The following MIR2052HG variants were observed in gnomAD, a reference collection of about 807,000 sequenced individuals.
The protein encoded by MIR2052HG is MIR2052 host gene.
chr8:74,629,106 A>C (rs2128733855), intron 2 of MIR2052HG, among the ~76,000 whole-genome samples: 1 of 152,274 alleles, frequency 6.6e-6, no homozygotes, highest in East Asian at 1.9e-4. Context: ...TTGCTCATGA[A>C]ACTAATTTAC....
At chr8:74,613,619 G>A (rs1271418555) in intron 2 of MIR2052HG, among the ~76,000 whole-genome samples, 3 of 152,152 alleles carry the variant, frequency 2.0e-5, no homozygotes, top group Non-Finnish European at 4.4e-5. Context: ...CCAAGTAGCT[G>A]GGATTACAGG....
intron 4 of MIR2052HG, among the ~76,000 whole-genome samples, chr8:74,727,898 G>A (rs77730942): frequency 0.016 from 2,430 of 150,740 alleles, 25 homozygotes; most frequent in Non-Finnish European, 0.024. Context: ...AGCTTATGGC[G>A]TCTTGCCTTT....
chr8:74,724,098 A>G (rs1396117305), intron 4 of MIR2052HG, among the ~76,000 whole-genome samples: 1 of 152,164 alleles, frequency 6.6e-6, no homozygotes, highest in Middle Eastern at 3.2e-3. Context: ...AAATCTGTTC[A>G]TGTTTAATCA....
chr8:74,628,794 G>A (rs1187328922), intron 2 of MIR2052HG: 12 of 152,166 alleles, frequency 7.9e-5, no homozygotes, highest in African/African-American at 2.9e-4. Flanking sequence ...AATTGTGTAA[G>A]TCTGACCTTT....
chr8:74,690,502 G>A (rs569334373), intron 2 of MIR2052HG, among the ~76,000 whole-genome samples: 3 of 151,942 alleles, frequency 2.0e-5, no homozygotes, highest in Admixed American at 1.3e-4. Context: ...AAAATTAGTC[G>A]TGCGTGGTGG....
At chr8:74,708,180 A>G (rs1467554744) in intron 4 of MIR2052HG, among the ~76,000 whole-genome samples, 1 of 152,186 alleles carries the variant, frequency 6.6e-6, no homozygotes, top group Non-Finnish European at 1.5e-5. Context: ...GAGTTGGCAT[A>G]TAATTGAACC....
At position 74,611,888 on chromosome 8, in the gene MIR2052HG, C is replaced by T. The variant is rs139325234; in HGVS notation, n.129-965C>T. 4.9e-3 allele frequency among the ~76,000 whole-genome samples: 752 copies of T among 152,296 alleles called. 11 individuals carry two copies. The highest frequency in any genetic ancestry group is 0.017 in the African/African-American group (702 of 41,572). Reference sequence around the variant, plus strand: ...GGTTTACTCTGCACCAGTTGTTTGCCTGACTTGGGTGTGATAGAACACTCA... The same window carrying T: ...GGTTTACTCTGCACCAGTTGTTTGCTTGACTTGGGTGTGATAGAACACTCA... On this transcript the variant is annotated intron_variant and non_coding_transcript_variant, in intron 1 of 6. Transcript: ENST00000523442.
chr8:74,736,802 C>T (rs1809748414), intron 4 of MIR2052HG, among the ~76,000 whole-genome samples: 2 of 152,176 alleles, frequency 1.3e-5, no homozygotes, highest in Admixed American at 1.3e-4. Context: ...TTCCTCATTT[C>T]CTATAAGTGG....
chr8:74,680,415 C>T, intron 2 of MIR2052HG, among the ~76,000 whole-genome samples: 1 of 152,084 alleles, frequency 6.6e-6, no homozygotes, highest in Non-Finnish European at 1.5e-5. Context: ...CATGAACAGA[C>T]ACTTCTCAAA....
At chr8:74,680,266 T>C (rs1809108381) in intron 2 of MIR2052HG, among the ~76,000 whole-genome samples, 1 of 152,086 alleles carries the variant, frequency 6.6e-6, no homozygotes, top group South Asian at 2.1e-4. Flanking sequence ...GTTATAAACT[T>C]TTAAGACAGA....
intron 2 of MIR2052HG, among the ~76,000 whole-genome samples, chr8:74,662,907 G>T (rs1183412934): frequency 2.0e-5 from 3 of 149,308 alleles, no homozygotes; most frequent in Non-Finnish European, 3.0e-5. Context: ...ATAATTTTAT[G>T]ATTTTATATA....
At chr8:74,757,759 G>A (rs928260193) in intron 5 of MIR2052HG, 3 of 152,014 alleles carry the variant, frequency 2.0e-5, no homozygotes, top group Admixed American at 6.6e-5. Flanking sequence ...CTTCATTTTC[G>A]TGATGCCTAC....
At chr8:74,608,104 T>C (rs1436578991) in intron 1 of MIR2052HG, among the ~76,000 whole-genome samples, 2 of 152,350 alleles carry the variant, frequency 1.3e-5, no homozygotes, top group East Asian at 3.9e-4. Context: ...TCAGACAGTT[T>C]CCTGGTAGGT....
chr8:74,616,828 C>G (rs902008809), intron 2 of MIR2052HG, among the ~76,000 whole-genome samples: 1 of 152,130 alleles, frequency 6.6e-6, no homozygotes, highest in Non-Finnish European at 1.5e-5. Context: ...GATCTGACTT[C>G]TGCATGGCTA....
chr8:74,736,674 G>A (rs1809747585), intron 4 of MIR2052HG, among the ~76,000 whole-genome samples: 1 of 152,212 alleles, frequency 6.6e-6, no homozygotes, highest in South Asian at 2.1e-4. Flanking sequence ...GTGTGAGTGT[G>A]TCTGCATGAC....
At chr8:74,716,893 TTA>T (rs934752217) in intron 4 of MIR2052HG, among the ~76,000 whole-genome samples, 2 of 152,186 alleles carry the variant, frequency 1.3e-5, no homozygotes, top group African/African-American at 4.8e-5. Flanking sequence ...ACTGCTTTTT[TTA>T]TATATATACT....
At chr8:74,699,416 GTA>G (rs139522494) in intron 2 of MIR2052HG, among the ~76,000 whole-genome samples, 81,289 of 147,810 alleles carry the variant, frequency 0.55, 21,962 homozygotes, top group East Asian at 0.74. Context: ...GTGTGTGTGT[GTA>G]TATATATATA....
chr8:74,679,149 A>G (rs1181248801), intron 2 of MIR2052HG, among the ~76,000 whole-genome samples: 1 of 152,124 alleles, frequency 6.6e-6, no homozygotes. Flanking sequence ...TTGTTCATGG[A>G]TAAGTTATTT....
intron 2 of MIR2052HG, among the ~76,000 whole-genome samples, chr8:74,634,465 A>AGAACTCTTGCAAAATAATTTC (rs1808556544): frequency 6.6e-6 from 1 of 152,178 alleles, no homozygotes; most frequent in Non-Finnish European, 1.5e-5. Context: ...GTCATAATTT[A>AGAACTCTTGCAAAATAATTTC]GAACTCTTGC....
Sources: allele counts gnomAD v4.1 joint callset (sites outside exome capture counted in the v4.1 genomes callset), GRCh38; gene constraint gnomAD v4.1.1; transcripts MANE v1.5; gene names NCBI Gene and HGNC (gene_info 2026-07-23, HGNC 2026-07-21).